Variants in CARMIL3 observed in about 807,000 individuals in gnomAD.
The protein encoded by CARMIL3 is capping protein regulator and myosin 1 linker 3, also known as capping protein, Arp2/3 and myosin-I linker protein 3.
CARMIL3 carries 88 observed loss-of-function variants against 180.8 expected under a neutral mutation model. That is an observed-to-expected ratio of 0.49 (90% CI 0.41 to 0.58). The LOEUF (loss-of-function observed/expected upper bound fraction) is 0.58. Among genes scored for constraint, CARMIL3 ranks in the 20% least tolerant of loss-of-function variants. CARMIL3 has a pLI of 0.00. For synonymous variants in CARMIL3, 696 were observed against 714.5 expected, an observed-to-expected ratio of 0.97 and a Z score of 0.41; for missense variants, 1,548 against 1,787.0, an observed-to-expected ratio of 0.87 and a Z score of 2.41.
chr14:24,067,626 G>A (rs1485293644), intron 36 of CARMIL3, among the ~76,000 whole-genome samples: 1 of 152,244 alleles, frequency 6.6e-6, no homozygotes, highest in African/African-American at 2.4e-5. Context: ...CTCCTCCAAG[G>A]CCAACCCAGC....
chr14:24,052,766 A>G (rs1327226866), intron 1 of CARMIL3, among the ~76,000 whole-genome samples: 2 of 152,154 alleles, frequency 1.3e-5, no homozygotes, highest in Non-Finnish European at 2.9e-5. Context: ...CTCGCCTCCC[A>G]CAGCCCCGTC....
rs762152768 is a variant in CARMIL3, at chr14:24,066,378, C to T, written c.3526-20C>T. ...GCCACAGAGGAGACTTTCTTACAACCTGACCCACTGTTCTTTCAGGGCCCA... is the reference window on the plus strand; with the variant it reads ...GCCACAGAGGAGACTTTCTTACAACTTGACCCACTGTTCTTTCAGGGCCCA... On this transcript the variant is annotated intron_variant, in intron 34 of 39. Transcript: ENST00000342740. The T allele has an allele frequency of 5.6e-6, 9 of 1,613,280 alleles. No individual in the cohort carries two copies. Among genetic ancestry groups the T allele is most frequent in the Admixed American group, 3.3e-5 (2 of 59,862 alleles).
chr14:24,057,657 G>T, intron 14 of CARMIL3, 146 bp from the exon 15 acceptor site: 2 of 689,686 alleles, frequency 2.9e-6, no homozygotes, highest in South Asian at 3.4e-5. Context: ...TCAAGAATCT[G>T]AGTGGGCATC....
At position 24,064,363 on chromosome 14, in the gene CARMIL3, C is replaced by G; in HGVS notation, c.3080+17C>G. The G allele has an allele frequency of 6.3e-7, 1 of 1,578,724 alleles. No homozygotes were observed. Among genetic ancestry groups the G allele is most frequent in the Non-Finnish European group, 8.7e-7 (1 of 1,153,812 alleles). ...AAGTTCTAGGTGTGATGCCTAAACA[C>G]ACTCCCATTTTCAGCAGGCCCCAAG... On this transcript the variant is annotated intron_variant, in intron 32 of 39. Coordinates refer to ENST00000342740, the MANE Select transcript of CARMIL3 (RefSeq NM_138360.4).
intron 31 of CARMIL3, 45 bp from the exon 32 acceptor site, chr14:24,064,201 T>A (rs775352544): frequency 7.0e-7 from 1 of 1,436,408 alleles, no homozygotes; most frequent in Non-Finnish European, 9.7e-7. Context: ...GAGGTGGGGC[T>A]TCCTGACCTA....
rs2035698087 is a variant in CARMIL3 at position 24,058,539 on chromosome 14, T to G, written c.1393-141T>G. The stretch of plus-strand genomic sequence containing the variant: ...AAGCCAGCTCTAGGGAAGGATCTGG[T>G]GTGGGGAAAGAGTCTCCCTGATTTT... On this transcript the variant is annotated intron_variant, in intron 17 of 39. Coordinates refer to ENST00000342740, the MANE Select transcript of CARMIL3 (RefSeq NM_138360.4). This position sits in a 1 kb window ranked among gnomAD's most constrained non-coding sequence, Gnocchi z 6.4. 2 of 701,106 alleles carry G rather than the reference T, an allele frequency of 2.9e-6. No individual in the cohort carries two copies. The highest frequency in any genetic ancestry group is 2.4e-6 in the Non-Finnish European group (1 of 418,976). The allele number at this position is 701,106 out of a possible 1,614,324, so 43.4% of individuals were successfully genotyped here.
chr14:24,065,061 C>T lies in CARMIL3; in HGVS notation c.3184C>T (p.Arg1062Trp), dbSNP rs117833529. Reference sequence around the variant, plus strand: ...GGGCCTGTTTCACTTTCGCCGGCCCCGGAGCTTCAAGGGGGACAGGGGGCC... The same window carrying T: ...GGGCCTGTTTCACTTTCGCCGGCCCTGGAGCTTCAAGGGGGACAGGGGGCC... ...RRGLFHFRRP[R>W]SFKGDRGPGS... Residue 1062 changes from arginine to tryptophan, a missense_variant, in exon 33 of 40, where the codon CGG becomes TGG. This residue lies in a region of CARMIL3 where 668 missense variants were observed against 687.8 expected (regional missense o/e 0.97). Transcript: ENST00000342740. 0.034 allele frequency: 53,874 copies of T among 1,603,312 alleles called. 1,127 individuals are homozygous for T. The highest frequency in any genetic ancestry group is 0.074 in the Middle Eastern group (441 of 5,940).
Position 24,059,662 on chromosome 14 carries a change from A to C in CARMIL3, c.1800-2A>C. 6.2e-7 allele frequency: 1 copy of C among 1,613,948 alleles called. No homozygotes were observed. Among genetic ancestry groups the C allele is most frequent in the Non-Finnish European group, 8.5e-7 (1 of 1,179,952 alleles). On this transcript the variant is annotated splice_acceptor_variant, in intron 21 of 39. Coordinates refer to ENST00000342740, the MANE Select transcript of CARMIL3 (RefSeq NM_138360.4). LOFTEE classifies it high-confidence loss of function. This position sits in a 1 kb window ranked among gnomAD's most constrained non-coding sequence, Gnocchi z 6.3. Reference sequence around the variant, plus strand: ...CCAAACTGGTGCTTACCCTCCCCCCAGAACTATCCTATGGGATCGGAACAA... The same window carrying C: ...CCAAACTGGTGCTTACCCTCCCCCCCGAACTATCCTATGGGATCGGAACAA...
intron 2 of CARMIL3, 132 bp from the exon 3 acceptor site, chr14:24,053,956 A>G: frequency 1.7e-6 from 2 of 1,185,066 alleles, no homozygotes; most frequent in Non-Finnish European, 2.4e-6. Flanking sequence ...GACTGTGTTG[A>G]TGTCCAGAAG....
At position 24,061,532 on chromosome 14, in the gene CARMIL3, G is replaced by T. The variant is rs757801500; in HGVS notation, c.2340G>T (p.Glu780Asp). Residue 780 changes from glutamate (E) to aspartate (D), a missense_variant, in exon 27 of 40, where the codon GAG (glutamate) becomes GAT (aspartate). This residue lies in a region of CARMIL3 where 297 missense variants were observed against 415.9 expected (regional missense o/e 0.71). Coordinates refer to ENST00000342740, the MANE Select transcript of CARMIL3 (RefSeq NM_138360.4). This position sits in a 1 kb window ranked among gnomAD's most constrained non-coding sequence, Gnocchi z 4.1. ...AGTCCATGGTCAGCCTGACACAGGA[G>T]TTATGCCCTGTGGCCATGCGGGTGG... Reference protein sequence around the residue: ...ILESMVSLTQELCPVAMRVAE... With the variant: ...ILESMVSLTQDLCPVAMRVAE... 4 of 1,613,942 alleles carry T rather than the reference G, an allele frequency of 2.5e-6. No individual in the cohort carries two copies. Among genetic ancestry groups the T allele is most frequent in the Admixed American group, 1.7e-5 (1 of 59,984 alleles).
Position 24,052,267 on chromosome 14 carries a change from G to T in CARMIL3, c.40+74G>T. On this transcript the variant is annotated intron_variant, in intron 1 of 39. Coordinates refer to ENST00000342740, the MANE Select transcript of CARMIL3 (RefSeq NM_138360.4). ...GACCCAGCGCGTTCCTCCCCGTGGT[G>T]CATCCCAGCCCGGTGTCTCACACCC... 3.4e-6 allele frequency: 5 copies of T among 1,458,100 alleles called. No homozygotes were observed. The South Asian group carries it at 6.4e-5, about 19-fold the overall frequency. 90.3% of individuals were successfully genotyped at this position (1,458,100 alleles called of 1,614,324 possible).
chr14:24,066,707 C>T (rs1156951835), intron 36 of CARMIL3, 51 bp downstream of exon 36: 1 of 1,583,742 alleles, frequency 6.3e-7, no homozygotes, highest in Admixed American at 1.7e-5. Flanking sequence ...AGGGTGTGTC[C>T]AAAGAAACAG....
chr14:24,067,928 G>A (rs1483486349), intron 36 of CARMIL3, among the ~76,000 whole-genome samples: 2 of 152,260 alleles, frequency 1.3e-5, no homozygotes, highest in Non-Finnish European at 2.9e-5. Context: ...AGCCCCCAGG[G>A]CACTGCAGCC....
intron 27 of CARMIL3, chr14:24,062,088 A>C (rs544122719): frequency 5.6e-4 from 190 of 342,126 alleles, no homozygotes; most frequent in South Asian, 1.8e-3. Context: ...AAACTAGTAC[A>C]CATACCTATG....
rs2035698054 is a variant in CARMIL3 at position 24,058,538 on chromosome 14, G to C, written c.1393-142G>C. On this transcript the variant is annotated intron_variant, in intron 17 of 39. Transcript: ENST00000342740. The surrounding 1 kb of genome is among the most constrained non-coding windows in gnomAD (Gnocchi z 6.4). ...GAAGCCAGCTCTAGGGAAGGATCTG[G>C]TGTGGGGAAAGAGTCTCCCTGATTT... is the stretch of plus-strand genomic sequence containing the variant. The C allele has an allele frequency of 1.4e-6, 1 of 701,162 alleles. No homozygotes were observed. 43.4% of individuals were successfully genotyped at this position (701,162 alleles called of 1,614,324 possible). A position where few individuals can be genotyped will look rare whatever the true frequency, so the allele number is the denominator to read the frequency against.
At position 24,059,696 on chromosome 14, in the gene CARMIL3, C is replaced by A. The variant is rs1417038064; in HGVS notation, c.1832C>A (p.Ala611Asp). Residue 611 changes from alanine to aspartate, a missense_variant, in exon 22 of 40, where the codon GCC becomes GAC. Physicochemically the swap from Ala to Asp is moderately radical, Grantham distance 126. Around this residue, in one of 4 missense-constraint regions of CARMIL3, gnomAD observed 297 missense variants for 415.9 expected, o/e 0.71. Coordinates refer to ENST00000342740, the MANE Select transcript of CARMIL3 (RefSeq NM_138360.4). The surrounding 1 kb of genome is among the most constrained non-coding windows in gnomAD (Gnocchi z 6.3). ...CTATGGGATCGGAACAATACATCTGCCCTGGGCTTCCTGGACATCGCAAGG... is the reference window on the plus strand; with the variant it reads ...CTATGGGATCGGAACAATACATCTGACCTGGGCTTCCTGGACATCGCAAGG... ...TILWDRNNTS[A>D]LGFLDIARAL... 1 of 1,613,988 alleles carries A rather than the reference C, an allele frequency of 6.2e-7. No homozygotes were observed. Among genetic ancestry groups the A allele is most frequent in the East Asian group, 2.2e-5 (1 of 44,892 alleles).
intron 1 of CARMIL3, among the ~76,000 whole-genome samples, chr14:24,052,684 T>G (rs558287418): frequency 2.0e-5 from 3 of 152,128 alleles, no homozygotes. Flanking sequence ...CCCAGGCCAG[T>G]GGGGCAAAGA....
At position 24,054,755 on chromosome 14, in the gene CARMIL3, G is replaced by A. The variant is rs763509676; in HGVS notation, c.407G>A (p.Arg136Gln). Residue 136 changes from arginine to glutamine, a missense_variant, in exon 6 of 40, where the codon CGA becomes CAA. Around this residue, in one of 4 missense-constraint regions of CARMIL3, gnomAD observed 578 missense variants for 666.5 expected, o/e 0.87. Transcript: ENST00000342740. This position sits in a 1 kb window ranked among gnomAD's most constrained non-coding sequence, Gnocchi z 5.1. Reference sequence around the variant, plus strand: ...AACGCAGACACCCCAGAGGGGCCCCGAGATACATCCCCCAACTCTGAGACT... The same window carrying A: ...AACGCAGACACCCCAGAGGGGCCCCAAGATACATCCCCCAACTCTGAGACT... Reference protein sequence around the residue: ...RGNADTPEGPRDTSPNSETST... With the variant: ...RGNADTPEGPQDTSPNSETST... 1.2e-5 allele frequency: 19 copies of A among 1,613,988 alleles called. No individual in the cohort carries two copies. Among genetic ancestry groups the A allele is most frequent in the South Asian group, 2.2e-5 (2 of 91,072 alleles).
Position 24,063,134 on chromosome 14 carries a change from CAA to C in CARMIL3, c.2725_2726del (p.Lys909AlafsTer46), listed in dbSNP as rs1290918807. ...CATTTCTGCAGGACACCATGGCCAT[CAA>C]AAAGCAGAAACGCTGCCGCAAGATT... Reference protein sequence around the residue: ...LGTNIDTMAIKKQKRCRKIRP... With the variant: ...LGTNIDTMAIXKQKRCRKIRP... On this transcript the variant is annotated frameshift_variant, in exon 30 of 40. Transcript: ENST00000342740. LOFTEE classifies it high-confidence loss of function. 6.2e-7 allele frequency: 1 copy of C among 1,613,374 alleles called. No homozygotes were observed. The highest frequency in any genetic ancestry group is 8.5e-7 in the Non-Finnish European group (1 of 1,179,456).
Sources: allele counts gnomAD v4.1 joint callset (sites outside exome capture counted in the v4.1 genomes callset), GRCh38; gene constraint gnomAD v4.1.1; regional missense constraint gnomAD v4.1.1; non-coding constraint Gnocchi (gnomAD v3.1); transcripts MANE v1.5; gene names NCBI Gene and HGNC (gene_info 2026-07-23, HGNC 2026-07-21).